Variants in FRMPD1 observed in about 807,000 individuals in gnomAD.
The protein encoded by FRMPD1 is FERM and PDZ domain containing 1, also known as FERM and PDZ domain-containing protein 1.
FRMPD1 carries 76 observed loss-of-function variants against 117.8 expected under a neutral mutation model. The ratio of observed to expected loss-of-function variants is 0.65; its 90% confidence interval spans 0.54 to 0.78. The LOEUF (loss-of-function observed/expected upper bound fraction) is 0.78, where lower values mean the gene tolerates loss of function less well. FRMPD1 is among the 30% of genes least tolerant of loss of function. The pLI, the probability that FRMPD1 is intolerant of heterozygous loss-of-function variation, is 0.00. For synonymous variants in FRMPD1, 783 were observed against 770.4 expected (o/e 1.02, Z -0.27); for missense variants, 1,786 against 1,964.5 (o/e 0.91, Z 1.72).
chr9:37,668,289 A>C (rs1821230825), intron 1 of FRMPD1: 1 of 152,238 alleles, frequency 6.6e-6, no homozygotes, highest in South Asian at 2.1e-4. Context: ...GCAGCTGCCC[A>C]GTATCCGCAG....
chr9:37,667,062 C>CTGTGTTTTTTTTTTTTTTTT (rs1821182621), intron 1 of FRMPD1, among the ~76,000 whole-genome samples: 1 of 111,054 alleles, frequency 9.0e-6, no homozygotes, highest in African/African-American at 4.0e-5. Context: ...TTGAAGCATG[C>CTGTGTTTTTTTTTTTTTTTT]TTTTTTTTTT....
At position 37,719,121 on chromosome 9, in the gene FRMPD1, C is replaced by T. The variant is rs1271302838; in HGVS notation, c.461C>T (p.Thr154Ile). 1 of 1,613,828 alleles carries T rather than the reference C, an allele frequency of 6.2e-7. No individual in the cohort carries two copies. Among genetic ancestry groups the T allele is most frequent in the Non-Finnish European group, 8.5e-7 (1 of 1,179,710 alleles). ...LTEEKRARLK[T>I]NPVKVHFAEE... is the part of the protein sequence containing the mutation. ...GAGGAGAAGAGAGCCAGACTGAAGA[C>T]CAACCCCGTGAAGGTGCACTTTGCT... Residue 154 changes from threonine to isoleucine, a missense_variant, in exon 6 of 16, where the codon ACC (threonine) becomes ATC (isoleucine). Physicochemically the swap from Thr to Ile is moderately conservative, Grantham distance 89 (BLOSUM62 -1). Transcript: ENST00000377765.
At chr9:37,651,673 G>C (rs1820680011) in intron 1 of FRMPD1, among the ~76,000 whole-genome samples, 1 of 152,256 alleles carries the variant, frequency 6.6e-6, no homozygotes, top group Admixed American at 6.5e-5. Context: ...CGTTGAGTCA[G>C]CCTCGGGAAG....
At chr9:37,736,247 C>T (rs1000385937) in intron 13 of FRMPD1, among the ~76,000 whole-genome samples, 9 of 151,768 alleles carry the variant, frequency 5.9e-5, no homozygotes, top group Non-Finnish European at 1.3e-4. Flanking sequence ...GTGATCCACC[C>T]GCCTTGGCCT....
chr9:37,739,947 C>T (rs552344397), intron 14 of FRMPD1, 131 bp from the exon 15 acceptor site: 30 of 690,588 alleles, frequency 4.3e-5, no homozygotes, highest in Non-Finnish European at 5.6e-5. Context: ...CAGTATAGGA[C>T]GGTCTTAGGC....
chr9:37,699,017 G>C (rs1822435657), intron 2 of FRMPD1, among the ~76,000 whole-genome samples: 1 of 151,974 alleles, frequency 6.6e-6, no homozygotes, highest in Admixed American at 6.6e-5. Context: ...GGGATTACAG[G>C]TGTGAGCCAC....
intron 1 of FRMPD1, among the ~76,000 whole-genome samples, chr9:37,687,814 C>G (rs949137872): frequency 1.3e-5 from 2 of 152,108 alleles, no homozygotes; most frequent in African/African-American, 4.8e-5. Flanking sequence ...GCCAAGAGCA[C>G]ATGAAAAATG....
the FRMPD1 span, among the ~76,000 whole-genome samples, chr9:37,626,376 G>A: frequency 5.3e-4 from 80 of 150,196 alleles, 2 homozygotes; most frequent in Non-Finnish European, 1.3e-4. Context: ...GTTGTGGCAC[G>A]TGTCTGTAGT....
At chr9:37,675,671 G>T (rs4878715) in intron 1 of FRMPD1, among the ~76,000 whole-genome samples, 1 of 151,976 alleles carries the variant, frequency 6.6e-6, no homozygotes, top group African/African-American at 2.4e-5. Context: ...ATGGGCTGGT[G>T]AGTGCCTGCA....
intron 15 of FRMPD1, among the ~76,000 whole-genome samples, chr9:37,742,926 C>T (rs1387528451): frequency 6.6e-6 from 1 of 152,116 alleles, no homozygotes; most frequent in Non-Finnish European, 1.5e-5. Context: ...AAAACCTAAA[C>T]CTTATAGATC....
intron 2 of FRMPD1, among the ~76,000 whole-genome samples, chr9:37,705,950 ACCCT>A (rs1470255392): frequency 1.4e-5 from 2 of 141,578 alleles, no homozygotes; most frequent in African/African-American, 2.6e-5. Context: ...ACAGAGTAAA[ACCCT>A]CCCTCAAAAT....
At chr9:37,725,337 C>T (rs1823574133) in intron 7 of FRMPD1, among the ~76,000 whole-genome samples, 1 of 152,214 alleles carries the variant, frequency 6.6e-6, no homozygotes, top group Non-Finnish European at 1.5e-5. Context: ...TTGAGCCCAG[C>T]TCTTCTGGTA....
chr9:37,638,839 TC>T, the FRMPD1 span, among the ~76,000 whole-genome samples: 1 of 152,204 alleles, frequency 6.6e-6, no homozygotes, highest in Non-Finnish European at 1.5e-5. Flanking sequence ...TGGCTTTACT[TC>T]CTCCTCAAAG....
intron 1 of FRMPD1, among the ~76,000 whole-genome samples, chr9:37,669,557 T>C (rs1821278013): frequency 6.6e-6 from 1 of 152,224 alleles, no homozygotes; most frequent in African/African-American, 2.4e-5. Context: ...TTTTCTTTTA[T>C]GGATTCTGAG....
At chr9:37,696,541 C>G (rs1454695347) in intron 2 of FRMPD1, among the ~76,000 whole-genome samples, 1 of 152,172 alleles carries the variant, frequency 6.6e-6, no homozygotes, top group Non-Finnish European at 1.5e-5. Context: ...GCACATCCCT[C>G]CTTCTTCCAA....
the FRMPD1 span, chr9:37,637,347 G>T: frequency 3.6e-6 from 3 of 839,742 alleles, no homozygotes; most frequent in East Asian, 2.4e-5. Flanking sequence ...TCCGCCTCCC[G>T]TTCCAAGATG....
At chr9:37,725,110 A>C (rs1823564975) in intron 7 of FRMPD1, among the ~76,000 whole-genome samples, 1 of 152,242 alleles carries the variant, frequency 6.6e-6, no homozygotes, top group Non-Finnish European at 1.5e-5. Flanking sequence ...AGGAAATAGC[A>C]AACCATCCAG....
At position 37,745,119 on chromosome 9, in the gene FRMPD1, C is replaced by G; in HGVS notation, c.3087C>G (p.Ser1029Arg). The change falls in exon 16 of 16, where the codon AGC (serine) becomes AGG (arginine). Residue 1029 changes from serine (S) to arginine (R), a missense_variant. By Grantham distance (110) the Ser-to-Arg change is moderately radical. Transcript: ENST00000377765. Reference sequence around the variant, plus strand: ...ACCCAGACAGAGCCTGCCTGGCCAGCAACCCAGGACTAAATAATGTCTCTC... The same window carrying G: ...ACCCAGACAGAGCCTGCCTGGCCAGGAACCCAGGACTAAATAATGTCTCTC... The part of the protein sequence containing the change: ...DPNPDRACLA[S>R]NPGLNNVSQG... The G allele has an allele frequency of 6.2e-7, 1 of 1,614,110 alleles. No homozygotes were observed. The highest frequency in any genetic ancestry group is 8.5e-7 in the Non-Finnish European group (1 of 1,179,998).
intron 6 of FRMPD1, among the ~76,000 whole-genome samples, chr9:37,719,513 G>A (rs909366526): frequency 6.6e-6 from 1 of 152,192 alleles, no homozygotes. Flanking sequence ...CTCTGAGGGT[G>A]ATCTATTGAT....
Sources: allele counts gnomAD v4.1 joint callset (sites outside exome capture counted in the v4.1 genomes callset), GRCh38; gene constraint gnomAD v4.1.1; transcripts MANE v1.5; gene names NCBI Gene and HGNC (gene_info 2026-07-23, HGNC 2026-07-21).